TNFSF9: variants seen among roughly 807,000 people sequenced by gnomAD.
TNFSF9 encodes tumor necrosis factor ligand superfamily member 9.
Under a neutral mutation model 10.3 loss-of-function variants are expected in TNFSF9, and 10 were observed. That is an observed-to-expected ratio of 0.97 (90% CI 0.60 to 1.65). The LOEUF (loss-of-function observed/expected upper bound fraction) is 1.65, where lower values mean the gene tolerates loss of function less well. Ranked by LOEUF, TNFSF9 falls within the 40% of genes most tolerant of loss-of-function variation. The pLI is 0.00. For missense variants in TNFSF9, 361 were observed against 348.9 expected (o/e 1.03, Z -0.28); for synonymous variants, 195 against 176.1 (o/e 1.11, Z -0.85).
chr19:6,532,120 G>A (rs912739768), intron 1 of TNFSF9, among the ~76,000 whole-genome samples: 1 of 152,182 alleles, frequency 6.6e-6, no homozygotes, highest in Non-Finnish European at 1.5e-5. Context: ...AACTCCCAAA[G>A]AGCCTTATCC....
intron 1 of TNFSF9, 131 bp downstream of exon 1, chr19:6,531,434 C>T: frequency 7.9e-7 from 1 of 1,265,220 alleles, no homozygotes; most frequent in South Asian, 1.8e-5. Flanking sequence ...GGAGACCCAC[C>T]GGGGCTCCCA....
rs1915177609 is a variant in TNFSF9, at chr19:6,532,788, C to T, written c.270C>T (p.Gly90=). The T allele has an allele frequency of 1.2e-6, 2 of 1,613,766 alleles. No homozygotes were observed. Among genetic ancestry groups the T allele is most frequent in the Middle Eastern group, 1.7e-4 (1 of 6,052 alleles). The change falls in exon 2 of 3, where the codon GGC becomes GGT. Residue 90 remains glycine (G), a splice_region_variant and synonymous_variant. Transcript: ENST00000245817. Reference sequence around the variant, plus strand: ...TTCCTCCTTTCTACTTTTAACAGGGCATGTTTGCGCAGCTGGTGGCCCAAA... The same window carrying T: ...TTCCTCCTTTCTACTTTTAACAGGGTATGTTTGCGCAGCTGGTGGCCCAAA... ...DPAGLLDLRQ[G]MFAQLVAQNV...
Position 6,534,764 on chromosome 19 carries a change from G to A in TNFSF9, c.463G>A (p.Gly155Ser), listed in dbSNP as rs375400132. 4 of 1,598,776 alleles carry A rather than the reference G, an allele frequency of 2.5e-6. No homozygotes were observed. The highest frequency in any genetic ancestry group is 2.7e-5 in the African/African-American group (2 of 74,650). The change falls in exon 3 of 3, where the codon GGC becomes AGC. Residue 155 changes from glycine (G) to serine (S), a missense_variant. Coordinates refer to ENST00000245817, the MANE Select transcript of TNFSF9 (RefSeq NM_003811.4). ...FQLELRRVVA[G>S]EGSGSVSLAL... ...ACTAGAGCTGCGGCGCGTGGTGGCC[G>A]GCGAGGGCTCAGGCTCCGTTTCACT...
In TNFSF9 at chr19:6,535,246, T is replaced by A; in HGVS notation, c.*180T>A. ...ACTCCTTCCCCAAGTTGGACCTTGA[T>A]ATTTATTCTGAGCCTGAGCTCAGAT... On this transcript the variant is annotated 3_prime_UTR_variant, in exon 3 of 3. Coordinates refer to ENST00000245817, the MANE Select transcript of TNFSF9 (RefSeq NM_003811.4). The A allele has an allele frequency of 2.1e-6, 1 of 465,732 alleles. No homozygotes were observed. The highest frequency in any genetic ancestry group is 3.7e-6 in the Non-Finnish European group (1 of 268,190). The allele number at this position is 465,732 out of a possible 1,614,324, so 28.8% of individuals were successfully genotyped here.
chr19:6,532,570 GGTGTTCGTGTGTGTGTTCGTTTGTGTTT>G (rs1915172774), intron 1 of TNFSF9, among the ~76,000 whole-genome samples, 188 bp from the exon 2 acceptor site: 1 of 145,726 alleles, frequency 6.9e-6, no homozygotes, highest in Non-Finnish European at 1.5e-5. Context: ...TGTTAATGTG[GGTGTTCGTGTGTGTGTTCGTTTGTGTTT>G]GTGTTCGTGT....
rs766150013 is a variant in TNFSF9 at position 6,534,833 on chromosome 19, G to T, written c.532G>T (p.Ala178Ser). 6.2e-7 allele frequency: 1 copy of T among 1,605,636 alleles called. No homozygotes were observed. The highest frequency in any genetic ancestry group is 2.2e-5 in the East Asian group (1 of 44,692). Residue 178 changes from alanine (A) to serine (S), a missense_variant, in exon 3 of 3, where the codon GCC becomes TCC. By Grantham distance (99) the Ala-to-Ser change is moderately conservative. Coordinates refer to ENST00000245817, the MANE Select transcript of TNFSF9 (RefSeq NM_003811.4). ...QPLRSAAGAA[A>S]LALTVDLPPA... is the part of the protein sequence containing the mutation. ...ACTGCGCTCTGCTGCTGGGGCCGCC[G>T]CCCTGGCTTTGACCGTGGACCTGCC...
At position 6,531,031 on chromosome 19, in the gene TNFSF9, C is replaced by T. The variant is rs760453634; in HGVS notation, c.-6C>T. ...GGCGCGCTGTGTCTTCCCGCAGTCT[C>T]TCGTCATGGAATACGCCTCTGACGC... On this transcript the variant is annotated 5_prime_UTR_variant, in exon 1 of 3. Coordinates refer to ENST00000245817, the MANE Select transcript of TNFSF9 (RefSeq NM_003811.4). 6.2e-6 allele frequency: 10 copies of T among 1,608,258 alleles called. No individual in the cohort carries two copies. In the Admixed American group the frequency reaches 1.5e-4, roughly 24 times the overall value.
rs1915240806 is a variant in TNFSF9, at chr19:6,535,090, C to T, written c.*24C>T. On this transcript the variant is annotated 3_prime_UTR_variant, in exon 3 of 3. Transcript: ENST00000245817. ...AACGTCCAGCCTGGGTGCAGCCCAC[C>T]TGGACAGAGTCCGAATCCTACTCCA... The T allele has an allele frequency of 6.6e-7, 1 of 1,509,922 alleles. No individual in the cohort carries two copies. The highest frequency in any genetic ancestry group is 2.3e-5 in the East Asian group (1 of 43,196). The allele number at this position is 1,509,922 out of a possible 1,614,324, so 93.5% of individuals were successfully genotyped here. A position where few individuals can be genotyped will look rare whatever the true frequency, so the allele number is the denominator to read the frequency against.
At chr19:6,534,199 C>T (rs1019914104) in intron 2 of TNFSF9, among the ~76,000 whole-genome samples, 1 of 150,578 alleles carries the variant, frequency 6.6e-6, no homozygotes, top group South Asian at 2.1e-4. Context: ...TGGCCTTTTG[C>T]TTTTCACCCC....
intron 2 of TNFSF9, among the ~76,000 whole-genome samples, chr19:6,534,199 C>G (rs1019914104): frequency 6.6e-6 from 1 of 150,578 alleles, no homozygotes; most frequent in African/African-American, 2.4e-5. Context: ...TGGCCTTTTG[C>G]TTTTCACCCC....
At chr19:6,534,420 C>T (rs997261177) in intron 2 of TNFSF9, among the ~76,000 whole-genome samples, 180 bp from the exon 3 acceptor site, 2 of 143,382 alleles carry the variant, frequency 1.4e-5, no homozygotes, top group African/African-American at 2.6e-5. Flanking sequence ...CCCCAACGCC[C>T]CCCCCACCCA....
At chr19:6,534,319 C>A (rs1405857586) in intron 2 of TNFSF9, among the ~76,000 whole-genome samples, 2 of 151,514 alleles carry the variant, frequency 1.3e-5, no homozygotes, top group South Asian at 2.1e-4. Flanking sequence ...GGATTCCCTT[C>A]CTCTGTTCTA....
At chr19:6,533,296 C>G (rs1452029887) in intron 2 of TNFSF9, among the ~76,000 whole-genome samples, 7 of 139,310 alleles carry the variant, frequency 5.0e-5, no homozygotes, top group Admixed American at 2.9e-4. Context: ...CCTAGACCCT[C>G]CTCCCTGCCC....
intron 1 of TNFSF9, among the ~76,000 whole-genome samples, chr19:6,532,294 T>TGC (rs1315441243): frequency 1.6e-4 from 23 of 143,024 alleles, no homozygotes; most frequent in African/African-American, 6.0e-4. Flanking sequence ...TGTGTGTGTG[T>TGC]GTGTTCGTGT....
Position 6,535,001 on chromosome 19 carries a change from G to C in TNFSF9, c.700G>C (p.Val234Leu), listed in dbSNP as rs1456903676. Residue 234 changes from valine (V) to leucine (L), a missense_variant, in exon 3 of 3, where the codon GTC (valine) becomes CTC (leucine). Transcript: ENST00000245817. ...HAWQLTQGAT[V>L]LGLFRVTPEI... ...CTGGCAGCTTACCCAGGGCGCCACAGTCTTGGGACTCTTCCGGGTGACCCC... is the reference window on the plus strand; with the variant it reads ...CTGGCAGCTTACCCAGGGCGCCACACTCTTGGGACTCTTCCGGGTGACCCC... The C allele has an allele frequency of 1.2e-6, 2 of 1,604,860 alleles. No individual in the cohort carries two copies. Among genetic ancestry groups the C allele is most frequent in the Admixed American group, 3.4e-5 (2 of 59,032 alleles).
chr19:6,534,659 C>T lies in TNFSF9; in HGVS notation c.358C>T (p.Leu120=), dbSNP rs1915226648. The change falls in exon 3 of 3, where the codon CTG becomes TTG. Residue 120 remains leucine (L), a synonymous_variant. Coordinates refer to ENST00000245817, the MANE Select transcript of TNFSF9 (RefSeq NM_003811.4). ...TGACCCAGGCCTGGCAGGCGTGTCCCTGACGGGGGGCCTGAGCTACAAAGA... is the reference window on the plus strand; with the variant it reads ...TGACCCAGGCCTGGCAGGCGTGTCCTTGACGGGGGGCCTGAGCTACAAAGA... ...YSDPGLAGVS[L]TGGLSYKEDT... is the part of the protein sequence containing the mutation. 6.3e-7 allele frequency: 1 copy of T among 1,590,332 alleles called. No individual in the cohort carries two copies. The highest frequency in any genetic ancestry group is 8.6e-7 in the Non-Finnish European group (1 of 1,169,050).
chr19:6,534,449 C>G (rs1357629243), intron 2 of TNFSF9, 151 bp from the exon 3 acceptor site: 1 of 621,816 alleles, frequency 1.6e-6, no homozygotes, highest in Non-Finnish European at 2.7e-6. Flanking sequence ...GCTCTGCTCC[C>G]CTGTCCCGCT....
rs1406936055 is a variant in TNFSF9 at position 6,531,119 on chromosome 19, C to T, written c.83C>T (p.Pro28Leu). ...APRARACRVL[P>L]WALVAGLLLL... Reference sequence around the variant, plus strand: ...CGCGCTCGCGCCTGCCGCGTACTGCCTTGGGCCCTGGTCGCGGGGCTGCTG... The same window carrying T: ...CGCGCTCGCGCCTGCCGCGTACTGCTTTGGGCCCTGGTCGCGGGGCTGCTG... The change falls in exon 1 of 3, where the codon CCT (proline) becomes CTT (leucine). Residue 28 changes from proline to leucine, a missense_variant. Coordinates refer to ENST00000245817, the MANE Select transcript of TNFSF9 (RefSeq NM_003811.4). The T allele has an allele frequency of 1.2e-6, 2 of 1,609,198 alleles. No homozygotes were observed. The highest frequency in any genetic ancestry group is 1.1e-5 in the South Asian group (1 of 90,920).
At chr19:6,531,695 T>C (rs1489853034) in intron 1 of TNFSF9, among the ~76,000 whole-genome samples, 1 of 150,814 alleles carries the variant, frequency 6.6e-6, no homozygotes, top group Non-Finnish European at 1.5e-5. Context: ...GGGCTCTCCT[T>C]CTCCGTCTTG....
Sources: allele counts gnomAD v4.1 joint callset (sites outside exome capture counted in the v4.1 genomes callset), GRCh38; gene constraint gnomAD v4.1.1; transcripts MANE v1.5; gene names NCBI Gene and HGNC (gene_info 2026-07-23, HGNC 2026-07-21).